The following MAGI1 variants were observed in gnomAD, a reference collection of about 807,000 sequenced individuals.
MAGI1 encodes the protein membrane associated guanylate kinase, WW and PDZ domain containing 1.
In MAGI1, 58 loss-of-function variants were observed where a neutral mutation model predicts 139.9. That is an observed-to-expected ratio of 0.41 (90% CI 0.34 to 0.52). MAGI1 has a LOEUF of 0.52. Ranked by LOEUF, MAGI1 falls within the 20% of genes least tolerant of loss-of-function variation. The pLI is 0.12. For missense variants in MAGI1, 1,874 were observed against 1,901.6 expected, an observed-to-expected ratio of 0.99 and a Z score of 0.27; for synonymous variants, 812 against 737.9, an observed-to-expected ratio of 1.10 and a Z score of -1.63.
intron 2 of MAGI1, among the ~76,000 whole-genome samples, chr3:65,595,847 G>T (rs984075626): frequency 6.6e-6 from 1 of 151,848 alleles, no homozygotes; most frequent in Non-Finnish European, 1.5e-5. Context: ...GGGGAGTTAG[G>T]AGTATCCTCA....
In MAGI1 at chr3:65,991,644, T is replaced by C. The variant is rs552868286; in HGVS notation, c.313+46352A>G. On this transcript the variant is annotated intron_variant, in intron 1 of 22. Transcript: ENST00000402939. ...CAACATTTTAAGACTTTGCTCTGACTGACCAAATATGAGTTTTGATCTAGA... is the reference window on the plus strand; with the variant it reads ...CAACATTTTAAGACTTTGCTCTGACCGACCAAATATGAGTTTTGATCTAGA... Among the ~76,000 whole-genome samples the C allele has an allele frequency of 3.9e-5, 6 of 152,378 alleles. No individual in the cohort carries two copies. In the South Asian group the frequency reaches 1.2e-3, roughly 32 times the overall value.
chr3:65,448,917 G>A (rs1455840044), intron 6 of MAGI1, among the ~76,000 whole-genome samples: 1 of 151,994 alleles, frequency 6.6e-6, no homozygotes, highest in African/African-American at 2.4e-5. Context: ...GTTTCCCCAG[G>A]GTCAGGGCAA....
chr3:65,586,532 T>G (rs1022952697), intron 2 of MAGI1, among the ~76,000 whole-genome samples: 2 of 152,162 alleles, frequency 1.3e-5, no homozygotes, highest in African/African-American at 4.8e-5. Context: ...AGAGTAACTT[T>G]TGTTGCAAGT....
chr3:65,714,083 C>G (rs2031879565), intron 1 of MAGI1, among the ~76,000 whole-genome samples: 1 of 152,210 alleles, frequency 6.6e-6, no homozygotes, highest in Admixed American at 6.5e-5. Context: ...ATCTGTAAAA[C>G]AGGCATGCCA....
intron 1 of MAGI1, among the ~76,000 whole-genome samples, chr3:65,995,039 A>G (rs1166324759): frequency 6.6e-6 from 1 of 152,146 alleles, no homozygotes; most frequent in African/African-American, 2.4e-5. Context: ...TGGAGTTCTT[A>G]GACAGAAAGC....
rs1188679788 is a variant in MAGI1, at chr3:65,493,619, G to C, written c.443C>G (p.Ser148Cys). Residue 148 changes from serine (S) to cysteine (C), a missense_variant, in exon 3 of 23, where the codon TCT (serine) becomes TGT (cysteine). Physicochemically the swap from Ser to Cys is moderately radical, Grantham distance 112. This residue lies in a region of MAGI1 where 648 missense variants were observed against 598.1 expected (regional missense o/e 1.08). Transcript: ENST00000402939. ...GCCAGGCACTTCTCCTTCTCTGGGAGATCGGGTTGTGCCTGTAGCAGAAAA... is the reference window on the plus strand; with the variant it reads ...GCCAGGCACTTCTCCTTCTCTGGGACATCGGGTTGTGCCTGTAGCAGAAAA... ...YRHAVPCTTR[S>C]PREGEVPGVD... 1.2e-6 allele frequency: 2 copies of C among 1,614,128 alleles called. No individual in the cohort carries two copies. Among genetic ancestry groups the C allele is most frequent in the South Asian group, 1.1e-5 (1 of 91,084 alleles).
chr3:65,987,960 T>G lies in MAGI1; in HGVS notation c.313+50036A>C, dbSNP rs192603422. On this transcript the variant is annotated intron_variant, in intron 1 of 22. Transcript: ENST00000402939. Reference sequence around the variant, plus strand: ...ATAAATTCAAGGACTGCCCCTGCACTTGCATGCCCCTGCCTCCTAGTGTTA... The same window carrying G: ...ATAAATTCAAGGACTGCCCCTGCACGTGCATGCCCCTGCCTCCTAGTGTTA... Among the ~76,000 whole-genome samples the G allele has an allele frequency of 1.1e-4, 17 of 152,352 alleles. No homozygotes were observed. In the East Asian group the frequency reaches 3.3e-3, roughly 29 times the overall value.
chr3:65,846,652 G>C (rs192716436), intron 1 of MAGI1, among the ~76,000 whole-genome samples: 3 of 152,260 alleles, frequency 2.0e-5, no homozygotes, highest in South Asian at 2.1e-4. Flanking sequence ...CTTTCGCCTT[G>C]TAACAGTTCT....
chr3:65,999,661 CCTTT>C (rs566730710), intron 1 of MAGI1, among the ~76,000 whole-genome samples: 2 of 152,004 alleles, frequency 1.3e-5, no homozygotes, highest in Non-Finnish European at 2.9e-5. Context: ...TTGGTTTATT[CCTTT>C]CTTTATTATC....
chr3:65,861,103 C>A (rs2059541749), intron 1 of MAGI1, among the ~76,000 whole-genome samples: 1 of 152,066 alleles, frequency 6.6e-6, no homozygotes, highest in African/African-American at 2.4e-5. Flanking sequence ...GATCATGGGG[C>A]CAGGGACACA....
intron 1 of MAGI1, among the ~76,000 whole-genome samples, chr3:65,694,066 C>T (rs1019434992): frequency 6.6e-6 from 1 of 152,070 alleles, no homozygotes; most frequent in Admixed American, 6.6e-5. Flanking sequence ...GTAAAATATA[C>T]AGACAGGTTA....
At chr3:65,589,474 T>G (rs1341169202) in intron 2 of MAGI1, among the ~76,000 whole-genome samples, 1 of 152,134 alleles carries the variant, frequency 6.6e-6, no homozygotes, top group African/African-American at 2.4e-5. Flanking sequence ...TTTCTCTCCC[T>G]AAATATTTAT....
chr3:65,448,093 G>T (rs1948784744), intron 6 of MAGI1, 36 bp from the exon 7 acceptor site: 1 of 1,608,094 alleles, frequency 6.2e-7, no homozygotes, highest in African/African-American at 1.3e-5. Flanking sequence ...AGACAGAAAA[G>T]AGAGAAAGCA....
At chr3:65,761,536 A>G (rs539885163) in intron 1 of MAGI1, among the ~76,000 whole-genome samples, 1 of 152,176 alleles carries the variant, frequency 6.6e-6, no homozygotes, top group Admixed American at 6.5e-5. Context: ...ACCTCTCCAA[A>G]CGCTTTTATG....
At chr3:65,918,874 T>C (rs2062034446) in intron 1 of MAGI1, among the ~76,000 whole-genome samples, 1 of 151,270 alleles carries the variant, frequency 6.6e-6, no homozygotes, top group Admixed American at 6.6e-5. Context: ...TTAAGAGGAG[T>C]TCAATTATAC....
chr3:65,890,067 A>G (rs1490887130), intron 1 of MAGI1, among the ~76,000 whole-genome samples: 1 of 152,190 alleles, frequency 6.6e-6, no homozygotes, highest in East Asian at 1.9e-4. Context: ...GATGACATTA[A>G]AAACTCATGA....
At chr3:65,398,600 G>A (rs1944598503) in intron 13 of MAGI1, among the ~76,000 whole-genome samples, 2 of 152,174 alleles carry the variant, frequency 1.3e-5, no homozygotes, top group African/African-American at 4.8e-5. Flanking sequence ...GTGATATTTA[G>A]TTTTAAATTC....
At chr3:65,479,600 A>C (rs1202802543) in intron 3 of MAGI1, among the ~76,000 whole-genome samples, 1 of 152,172 alleles carries the variant, frequency 6.6e-6, no homozygotes, top group Non-Finnish European at 1.5e-5. Context: ...TGATACCAAT[A>C]TAAAGTTTGC....
chr3:65,531,839 T>C (rs929489955), intron 2 of MAGI1, among the ~76,000 whole-genome samples: 4 of 152,224 alleles, frequency 2.6e-5, no homozygotes, highest in African/African-American at 9.6e-5. Flanking sequence ...ACAGTTATTA[T>C]ACAGATTAAA....
Sources: allele counts gnomAD v4.1 joint callset (sites outside exome capture counted in the v4.1 genomes callset), GRCh38; gene constraint gnomAD v4.1.1; regional missense constraint gnomAD v4.1.1; transcripts MANE v1.5; gene names NCBI Gene and HGNC (gene_info 2026-07-23, HGNC 2026-07-21).